Variants in CDC42 observed in about 807,000 individuals in gnomAD.
CDC42 encodes cell division control protein 42 homolog.
Under a neutral mutation model 20.8 loss-of-function variants are expected in CDC42, and 1 was observed. The ratio of observed to expected loss-of-function variants is 0.05; its 90% CI spans 0.02 to 0.23. The LOEUF (loss-of-function observed/expected upper bound fraction) is 0.23, where lower values mean the gene tolerates loss of function less well. CDC42 is among the 10% of genes least tolerant of loss of function. The pLI, the probability that CDC42 is intolerant of heterozygous loss-of-function variation, is 1.00. For synonymous variants in CDC42, 72 were observed against 84.8 expected (o/e 0.85, Z 0.83); for missense variants, 49 against 227.9 (o/e 0.21, Z 5.05).
At chr1:22,061,411 GAA>G (rs150165231) in intron 1 of CDC42, among the ~76,000 whole-genome samples, 1,628 of 136,338 alleles carry the variant, frequency 0.012, 24 homozygotes, top group African/African-American at 0.036. Context: ...TCTGTCTCAG[GAA>G]AAAAAAAAAA....
intron 1 of CDC42, 112 bp from the exon 2 acceptor site, chr1:22,078,317 T>A: frequency 1.9e-6 from 1 of 529,328 alleles, no homozygotes; most frequent in Non-Finnish European, 3.4e-6. Context: ...CTTTTAGCCA[T>A]AATAATTGTG....
intron 3 of CDC42, among the ~76,000 whole-genome samples, chr1:22,085,244 A>AAAAAAAAAAAAG (rs373016657): frequency 2.2e-5 from 3 of 135,948 alleles, no homozygotes; most frequent in Non-Finnish European, 4.7e-5. Context: ...AAAAAAAAAA[A>AAAAAAAAAAAAG]AAAAGAAAAA....
chr1:22,071,943 C>T (rs900236214), intron 1 of CDC42, among the ~76,000 whole-genome samples: 1 of 152,120 alleles, frequency 6.6e-6, no homozygotes, highest in Non-Finnish European at 1.5e-5. Flanking sequence ...GAAGACTGCC[C>T]TCACTTTAGG....
At chr1:22,088,506 T>G (rs1645685036) in intron 5 of CDC42, among the ~76,000 whole-genome samples, 1 of 152,190 alleles carries the variant, frequency 6.6e-6, no homozygotes, top group Non-Finnish European at 1.5e-5. Flanking sequence ...GAGGGGAAGT[T>G]AGAAAATGGG....
intron 1 of CDC42, among the ~76,000 whole-genome samples, chr1:22,066,021 A>G (rs536246946): frequency 1.3e-5 from 2 of 152,264 alleles, no homozygotes; most frequent in African/African-American, 4.8e-5. Context: ...TGGCCTCCCA[A>G]AGTGTTGGGA....
At chr1:22,085,180 C>T (rs1199178223) in intron 3 of CDC42, among the ~76,000 whole-genome samples, 5 of 142,804 alleles carry the variant, frequency 3.5e-5, no homozygotes, top group African/African-American at 1.0e-4. Flanking sequence ...TGCAGTGAGC[C>T]GAGATTGTGC....
intron 1 of CDC42, among the ~76,000 whole-genome samples, chr1:22,073,897 C>T (rs1302194215): frequency 1.3e-5 from 2 of 151,980 alleles, no homozygotes; most frequent in Non-Finnish European, 2.9e-5. Context: ...GCAATCTCCC[C>T]ACCTTGTCCC....
intron 1 of CDC42, 146 bp from the exon 2 acceptor site, chr1:22,078,283 A>G: frequency 2.2e-6 from 1 of 449,322 alleles, no homozygotes; most frequent in Non-Finnish European, 4.0e-6. Context: ...ACTTATAGCA[A>G]GTCATTGTGT....
At position 22,092,727 on chromosome 1, in the gene CDC42, A is replaced by G. The variant is rs1010934103; in HGVS notation, c.*1210A>G. ...CTCTCTAGTTTAATAAAAATCATGG[A>G]AAGACTCTTAATGCAGACTCTTCTT... On this transcript the variant is annotated 3_prime_UTR_variant, in exon 6 of 6. Transcript: ENST00000656825. 1 of 152,610 alleles carries G rather than the reference A, an allele frequency of 6.6e-6. No individual in the cohort carries two copies. The highest frequency in any genetic ancestry group is 1.5e-5 in the Non-Finnish European group (1 of 68,026). 9.5% of individuals were successfully genotyped at this position (152,610 alleles called of 1,614,324 possible).
At chr1:22,081,898 CTT>C in intron 3 of CDC42, 104 bp downstream of exon 3, 1 of 732,152 alleles carries the variant, frequency 1.4e-6, no homozygotes, top group Non-Finnish European at 2.4e-6. Flanking sequence ...AAGTACTTGC[CTT>C]TTGTTATTAG....
intron 5 of CDC42, among the ~76,000 whole-genome samples, chr1:22,087,329 G>A (rs764483482): frequency 1.2e-4 from 18 of 152,170 alleles, no homozygotes; most frequent in Middle Eastern, 3.2e-3. Context: ...TGTCAAAGAA[G>A]GCAGCCATGG....
At chr1:22,062,885 C>T (rs1645382435) in intron 1 of CDC42, among the ~76,000 whole-genome samples, 1 of 151,718 alleles carries the variant, frequency 6.6e-6, no homozygotes, top group Admixed American at 6.6e-5. Flanking sequence ...ATGACCTATT[C>T]TCTATTTCTA....
chr1:22,054,891 GTATATA>G (rs1157685736), intron 1 of CDC42, among the ~76,000 whole-genome samples: 11,281 of 71,762 alleles, frequency 0.16, 972 homozygotes, highest in Middle Eastern at 0.25. Context: ...TTGAATTTAT[GTATATA>G]TATATATATA....
Position 22,091,698 on chromosome 1 carries a change from C to T in CDC42, c.*181C>T. Reference sequence around the variant, plus strand: ...AGGTATGGCCCCCCCCTTCCCCCTCCCAGTACTAGTTAATTTTGAGTAATT... The same window carrying T: ...AGGTATGGCCCCCCCCTTCCCCCTCTCAGTACTAGTTAATTTTGAGTAATT... On this transcript the variant is annotated 3_prime_UTR_variant, in exon 6 of 6. Coordinates refer to ENST00000656825, the MANE Select transcript of CDC42 (RefSeq NM_001791.4). The T allele has an allele frequency of 2.6e-6, 1 of 390,956 alleles. No individual in the cohort carries two copies. Among genetic ancestry groups the T allele is most frequent in the East Asian group, 3.8e-5 (1 of 26,492 alleles). The allele number at this position is 390,956 out of a possible 1,614,324, so 24.2% of individuals were successfully genotyped here.
chr1:22,071,925 CA>C (rs1340761073), intron 1 of CDC42, among the ~76,000 whole-genome samples: 5 of 152,116 alleles, frequency 3.3e-5, no homozygotes, highest in African/African-American at 1.2e-4. Context: ...CTTAAGGGCT[CA>C]GTCTTGGAAG....
intron 1 of CDC42, among the ~76,000 whole-genome samples, chr1:22,060,792 T>C (rs1557892995): frequency 6.6e-6 from 1 of 152,204 alleles, no homozygotes; most frequent in Non-Finnish European, 1.5e-5. Context: ...TCATATCACT[T>C]GCTTGCCTAA....
At chr1:22,065,194 T>C (rs1371810565) in intron 1 of CDC42, among the ~76,000 whole-genome samples, 1 of 152,230 alleles carries the variant, frequency 6.6e-6, no homozygotes, top group African/African-American at 2.4e-5. Flanking sequence ...TGAAAGCATA[T>C]GCCCTTTACT....
At chr1:22,078,026 T>A (rs145893724) in intron 1 of CDC42, among the ~76,000 whole-genome samples, 1 of 152,326 alleles carries the variant, frequency 6.6e-6, no homozygotes, top group Non-Finnish European at 1.5e-5. Context: ...AGCAGTGGCC[T>A]TTGTATTGCA....
Position 22,078,904 on chromosome 1 carries a change from T to TA in CDC42, c.105+321_105+322insA, listed in dbSNP as rs1645578951. 2.9e-5 allele frequency: 29 copies of TA among 994,694 alleles called. 1 individual carries two copies. The highest frequency in any genetic ancestry group is 3.6e-5 in the Non-Finnish European group (28 of 770,180). 61.6% of individuals were successfully genotyped at this position (994,694 alleles called of 1,614,324 possible). A position where few individuals can be genotyped will look rare whatever the true frequency, so the allele number is the denominator to read the frequency against. ...GAGGTGACTTTTTTTTTTTTTTTTT[T>TA]GATATTTTGGCCAATTATTGATCAG... On this transcript the variant is annotated intron_variant, in intron 2 of 5. Coordinates refer to ENST00000656825, the MANE Select transcript of CDC42 (RefSeq NM_001791.4).
Sources: gnomAD v4.1 joint callset for allele counts (sites outside exome capture counted in the v4.1 genomes callset) on GRCh38, gnomAD v4.1.1 for gene constraint, MANE v1.5 for transcripts, NCBI Gene and HGNC (gene_info 2026-07-23, HGNC 2026-07-21) for gene names.